Variants in DACH1 observed in about 807,000 individuals in gnomAD.
DACH1 encodes dachshund family transcription factor 1.
DACH1 carries 12 observed loss-of-function variants against 54.2 expected under a neutral mutation model. That is an observed-to-expected ratio of 0.22 (90% CI 0.14 to 0.36). The LOEUF is 0.36. Ranked by LOEUF, DACH1 falls within the 10% of genes least tolerant of loss-of-function variation. The pLI is 1.00. For missense variants in DACH1, 805 were observed against 929.8 expected (o/e 0.87, Z 1.75); for synonymous variants, 386 against 366.2 (o/e 1.05, Z -0.62).
At chr13:71,583,229 G>A (rs1179114101) in intron 3 of DACH1, among the ~76,000 whole-genome samples, 2 of 152,134 alleles carry the variant, frequency 1.3e-5, no homozygotes, top group Non-Finnish European at 2.9e-5. Flanking sequence ...TCTGACTCGA[G>A]TGCTAAACAC....
chr13:71,446,042 A>G (rs1412365511), intron 10 of DACH1, among the ~76,000 whole-genome samples: 1 of 152,118 alleles, frequency 6.6e-6, no homozygotes, highest in Non-Finnish European at 1.5e-5. Context: ...GGCCATGGAG[A>G]AGACTTTGCA....
chr13:71,751,483 C>A (rs1216309415), intron 1 of DACH1, among the ~76,000 whole-genome samples: 1 of 152,080 alleles, frequency 6.6e-6, no homozygotes, highest in Non-Finnish European at 1.5e-5. Context: ...TCTGCCCTGT[C>A]TAATAATTGA....
chr13:71,565,974 C>A (rs113281765), intron 4 of DACH1, among the ~76,000 whole-genome samples: 2 of 152,118 alleles, frequency 1.3e-5, no homozygotes, highest in South Asian at 4.1e-4. Context: ...TGAATACTGG[C>A]GTCTTAATTA....
At chr13:71,843,815 A>G (rs1181282515) in intron 1 of DACH1, among the ~76,000 whole-genome samples, 8 of 152,210 alleles carry the variant, frequency 5.3e-5, no homozygotes, top group Non-Finnish European at 7.3e-5. Flanking sequence ...CATGCATTGT[A>G]TCAGGGTCAT....
intron 2 of DACH1, among the ~76,000 whole-genome samples, chr13:71,661,583 G>A (rs1879492902): frequency 6.6e-6 from 1 of 151,814 alleles, no homozygotes; most frequent in South Asian, 2.1e-4. Context: ...CTGAGAAGGA[G>A]GATACATTTC....
chr13:71,717,346 C>G (rs1203600766), intron 1 of DACH1, among the ~76,000 whole-genome samples: 1 of 152,010 alleles, frequency 6.6e-6, no homozygotes, highest in Non-Finnish European at 1.5e-5. Flanking sequence ...AATAAATTAA[C>G]AAAATAGCTT....
intron 2 of DACH1, among the ~76,000 whole-genome samples, chr13:71,652,639 A>G (rs1878764900): frequency 6.6e-6 from 1 of 152,146 alleles, no homozygotes; most frequent in Non-Finnish European, 1.5e-5. Context: ...ATCAGTTATT[A>G]TTAATTCACC....
At chr13:71,819,445 G>C (rs1888101614) in intron 1 of DACH1, among the ~76,000 whole-genome samples, 1 of 152,194 alleles carries the variant, frequency 6.6e-6, no homozygotes, top group South Asian at 2.1e-4. Context: ...ACTTAATAGA[G>C]TGTCATTGGA....
At chr13:71,592,664 T>C (rs1284927285) in intron 3 of DACH1, among the ~76,000 whole-genome samples, 1 of 151,986 alleles carries the variant, frequency 6.6e-6, no homozygotes, top group Non-Finnish European at 1.5e-5. Flanking sequence ...GAAAAATAGC[T>C]AATACAGTAT....
At chr13:71,731,322 C>G (rs1251214234) in intron 1 of DACH1, among the ~76,000 whole-genome samples, 3 of 143,566 alleles carry the variant, frequency 2.1e-5, no homozygotes, top group Non-Finnish European at 4.5e-5. Flanking sequence ...GACAGAGTCT[C>G]GCTCTGTCGC....
intron 1 of DACH1, among the ~76,000 whole-genome samples, chr13:71,729,085 C>T (rs558849403): frequency 1.3e-5 from 2 of 152,044 alleles, no homozygotes; most frequent in Non-Finnish European, 2.9e-5. Context: ...AACACAAAAA[C>T]ATCTAAGAGT....
chr13:71,539,738 T>A (rs920302593), intron 6 of DACH1, among the ~76,000 whole-genome samples: 10 of 152,086 alleles, frequency 6.6e-5, no homozygotes, highest in Admixed American at 4.6e-4. Context: ...CTTTATTTAT[T>A]TCCTGTCATT....
chr13:71,748,950 TTCTC>T (rs1178216959), intron 1 of DACH1, among the ~76,000 whole-genome samples: 18,154 of 84,612 alleles, frequency 0.21, 2,887 homozygotes, highest in Non-Finnish European at 0.29. Flanking sequence ...CTTTCTTTCT[TTCTC>T]TCTTTCTTTC....
At chr13:71,647,477 A>T (rs1262815897) in intron 2 of DACH1, among the ~76,000 whole-genome samples, 1 of 152,206 alleles carries the variant, frequency 6.6e-6, no homozygotes, top group Non-Finnish European at 1.5e-5. Flanking sequence ...AATTCCAGGA[A>T]TCCAACTAAA....
At chr13:71,718,281 A>T (rs1414292076) in intron 1 of DACH1, among the ~76,000 whole-genome samples, 1 of 151,802 alleles carries the variant, frequency 6.6e-6, no homozygotes, top group Non-Finnish European at 1.5e-5. Flanking sequence ...TAACAGTTAG[A>T]CTTAAAAAAA....
chr13:71,627,631 T>C (rs1876754081), intron 3 of DACH1, among the ~76,000 whole-genome samples: 1 of 152,096 alleles, frequency 6.6e-6, no homozygotes, highest in African/African-American at 2.4e-5. Context: ...TTCATGGTAA[T>C]CGGTTCTCCT....
chr13:71,837,733 G>T (rs1888851605), intron 1 of DACH1, among the ~76,000 whole-genome samples: 1 of 147,052 alleles, frequency 6.8e-6, no homozygotes, highest in African/African-American at 2.5e-5. Context: ...GTTTATTGCG[G>T]CATTATTCAC....
chr13:71,527,621 T>A (rs1004981804), intron 6 of DACH1, among the ~76,000 whole-genome samples: 1 of 152,214 alleles, frequency 6.6e-6, no homozygotes, highest in African/African-American at 2.4e-5. Flanking sequence ...GAGAGGGATA[T>A]GAGCACAGAG....
At chr13:71,616,361 T>C (rs564037418) in intron 3 of DACH1, among the ~76,000 whole-genome samples, 31 of 152,218 alleles carry the variant, frequency 2.0e-4, no homozygotes, top group Admixed American at 4.6e-4. Context: ...GTCAAACCTG[T>C]CTATACTGGA....
Sources: gnomAD v4.1 joint callset for allele counts (sites outside exome capture counted in the v4.1 genomes callset) on GRCh38, gnomAD v4.1.1 for gene constraint, MANE v1.5 for transcripts, NCBI Gene and HGNC (gene_info 2026-07-23, HGNC 2026-07-21) for gene names.